SPECC1: variants seen among roughly 807,000 people sequenced by gnomAD.
SPECC1 encodes sperm antigen with calponin homology and coiled-coil domains 1, also known as cytospin-B.
SPECC1 carries 62 observed loss-of-function variants against 104.1 expected under a neutral mutation model. That is an observed-to-expected ratio of 0.60 (90% confidence interval 0.49 to 0.74). The LOEUF (loss-of-function observed/expected upper bound fraction) is 0.74. Among genes scored for constraint, SPECC1 ranks in the 30% least tolerant of loss-of-function variants. The pLI is 0.00. For missense variants in SPECC1, 1,306 were observed against 1,310.5 expected (o/e 1.00, Z 0.05); for synonymous variants, 513 against 501.6 (o/e 1.02, Z -0.30).
rs530147280 is a variant in SPECC1 at position 20,247,030 on chromosome 17, A to G, written c.2498-189A>G. On this transcript the variant is annotated intron_variant, in intron 8 of 14. Coordinates refer to ENST00000395527, the MANE Select transcript of SPECC1 (RefSeq NM_001243439.2). ...CTTCATCTAAGACTGACCTCCACTC[A>G]GCTAAATCTTCCCTTCTTGTTTCCC... 3.9e-5 allele frequency among the ~76,000 whole-genome samples: 6 copies of G among 152,338 alleles called. 1 individual carries two copies. The highest frequency in any genetic ancestry group is 3.9e-4 in the Admixed American group (6 of 15,300).
At chr17:20,062,692 ATTT>A (rs112506359) in intron 1 of SPECC1, among the ~76,000 whole-genome samples, 1 of 143,062 alleles carries the variant, frequency 7.0e-6, no homozygotes, top group Non-Finnish European at 1.5e-5. Flanking sequence ...CAAGAAATAC[ATTT>A]TTTTTTTTTT....
chr17:20,201,505 A>T (rs981565642), intron 3 of SPECC1, among the ~76,000 whole-genome samples: 6 of 151,992 alleles, frequency 3.9e-5, no homozygotes, highest in African/African-American at 1.4e-4. Context: ...AAGAAAGAAA[A>T]AGTCAGCCTT....
At chr17:20,158,489 G>A (rs2032815190) in intron 3 of SPECC1, among the ~76,000 whole-genome samples, 1 of 152,202 alleles carries the variant, frequency 6.6e-6, no homozygotes, top group South Asian at 2.1e-4. Context: ...GGTTTGGGCA[G>A]GGAGAGCCTC....
chr17:20,033,227 G>A (rs2044899577), intron 1 of SPECC1, among the ~76,000 whole-genome samples: 1 of 152,040 alleles, frequency 6.6e-6, no homozygotes, highest in African/African-American at 2.4e-5. Flanking sequence ...GCATCCCAAA[G>A]TGCTGGGATT....
chr17:20,236,572 TC>T (rs770001858), intron 7 of SPECC1, among the ~76,000 whole-genome samples: 3 of 151,520 alleles, frequency 2.0e-5, no homozygotes, highest in Non-Finnish European at 4.4e-5. Context: ...ATGGTGTTCA[TC>T]CTGGACATCT....
At chr17:20,104,860 T>TA (rs1020320839) in intron 2 of SPECC1, among the ~76,000 whole-genome samples, 1 of 150,130 alleles carries the variant, frequency 6.7e-6, no homozygotes, top group African/African-American at 2.5e-5. Flanking sequence ...CGATTCCTAA[T>TA]ACAGCATGGT....
intron 3 of SPECC1, among the ~76,000 whole-genome samples, chr17:20,117,145 T>G (rs1171028367): frequency 6.6e-6 from 1 of 152,120 alleles, no homozygotes; most frequent in African/African-American, 2.4e-5. Flanking sequence ...TGGCATTTCA[T>G]ATCACGGTGG....
At chr17:20,130,096 G>A (rs979092445) in intron 3 of SPECC1, among the ~76,000 whole-genome samples, 9 of 152,130 alleles carry the variant, frequency 5.9e-5, no homozygotes, top group South Asian at 4.1e-4. Flanking sequence ...TATTTTTCCC[G>A]AAAGTCTTAT....
intron 3 of SPECC1, chr17:20,112,700 A>C: frequency 8.9e-7 from 1 of 1,123,570 alleles, no homozygotes; most frequent in Non-Finnish European, 1.4e-6. Flanking sequence ...GAAACTGTGT[A>C]ATTTTGAGGA....
chr17:20,053,993 A>G (rs2045871672), intron 1 of SPECC1, among the ~76,000 whole-genome samples: 1 of 152,138 alleles, frequency 6.6e-6, no homozygotes, highest in African/African-American at 2.4e-5. Flanking sequence ...CCTCTCCAAG[A>G]TACAACTGGT....
Position 20,258,184 on chromosome 17 carries a change from G to A in SPECC1, c.2837+577G>A, listed in dbSNP as rs191483570. ...GGATTTTGTTTCGGATTTTGAGGTTGTACAGTGAGATTGGACCTGCATTTT... is the reference window on the plus strand; with the variant it reads ...GGATTTTGTTTCGGATTTTGAGGTTATACAGTGAGATTGGACCTGCATTTT... On this transcript the variant is annotated intron_variant, in intron 11 of 14. Coordinates refer to ENST00000395527, the MANE Select transcript of SPECC1 (RefSeq NM_001243439.2). Among the ~76,000 whole-genome samples, 14 of 152,318 alleles carry A rather than the reference G, an allele frequency of 9.2e-5. No individual in the cohort carries two copies. In the East Asian group the frequency reaches 2.7e-3, roughly 29 times the overall value.
chr17:20,176,318 G>T (rs907500929), intron 3 of SPECC1, among the ~76,000 whole-genome samples: 1 of 151,858 alleles, frequency 6.6e-6, no homozygotes, highest in Non-Finnish European at 1.5e-5. Context: ...TGTCTTCTCC[G>T]CCTCGTTTTC....
intron 7 of SPECC1, 94 bp from the exon 8 acceptor site, chr17:20,245,832 A>G (rs2039398648): frequency 7.2e-7 from 1 of 1,394,226 alleles, no homozygotes; most frequent in African/African-American, 1.4e-5. Context: ...AGCTTCATTT[A>G]TTTTCTCCAC....
At chr17:20,169,161 C>T (rs975603663) in intron 3 of SPECC1, among the ~76,000 whole-genome samples, 1 of 152,226 alleles carries the variant, frequency 6.6e-6, no homozygotes, top group Non-Finnish European at 1.5e-5. Context: ...GCGTGAGCCA[C>T]TCTGGCCACA....
intron 1 of SPECC1, chr17:20,018,011 TGAA>T (rs1392242641): frequency 6.6e-6 from 1 of 152,518 alleles, no homozygotes; most frequent in African/African-American, 2.4e-5. Context: ...CTGTGATTGT[TGAA>T]GAGCTGTGGT....
Position 20,253,529 on chromosome 17 carries a change from C to A in SPECC1, c.2623C>A (p.Arg875=), listed in dbSNP as rs146501543. 449 of 1,613,968 alleles carry A rather than the reference C, an allele frequency of 2.8e-4. 1 individual carries two copies. In the African/African-American group the frequency reaches 4.8e-3, roughly 17 times the overall value. The change falls in exon 10 of 15, where the codon CGG becomes AGG. Residue 875 remains arginine (R), a synonymous_variant. Coordinates refer to ENST00000395527, the MANE Select transcript of SPECC1 (RefSeq NM_001243439.2). ...MQRHSTYSSV[R]PASRGVTQRL... ...GAGGCATTCGACTTACAGCAGTGTG[C>A]GGCCAGCCAGCAGAGGGGTGACTCA...
intron 3 of SPECC1, among the ~76,000 whole-genome samples, chr17:20,157,760 T>C (rs1413712061): frequency 6.6e-6 from 1 of 152,216 alleles, no homozygotes; most frequent in Non-Finnish European, 1.5e-5. Context: ...TGACTTATTT[T>C]ATTGTATTTT....
chr17:20,225,958 C>T (rs1471483175), intron 4 of SPECC1, among the ~76,000 whole-genome samples: 5 of 152,128 alleles, frequency 3.3e-5, no homozygotes, highest in African/African-American at 1.2e-4. Context: ...CATTAAATGC[C>T]TCCTGTGTGT....
chr17:20,047,044 A>T (rs1182231), intron 1 of SPECC1, among the ~76,000 whole-genome samples: 4 of 152,192 alleles, frequency 2.6e-5, no homozygotes, highest in Admixed American at 2.6e-4. Context: ...ATGGGACCAG[A>T]CTGATTTGAA....
Sources: allele counts gnomAD v4.1 joint callset (sites outside exome capture counted in the v4.1 genomes callset), GRCh38; gene constraint gnomAD v4.1.1; transcripts MANE v1.5; gene names NCBI Gene and HGNC (gene_info 2026-07-23, HGNC 2026-07-21).